The following AMZ1 variants were observed in gnomAD, a reference collection of about 807,000 sequenced individuals.
AMZ1 encodes the protein archaemetzincin-1.
AMZ1 carries 39 observed loss-of-function variants against 29.9 expected under a neutral mutation model. The ratio of observed to expected loss-of-function variants is 1.30; its 90% CI spans 1.01 to 1.70. AMZ1 has a LOEUF of 1.70. AMZ1 is among the 40% of genes most tolerant of loss of function. AMZ1 has a pLI of 0.00. For synonymous variants in AMZ1, 458 were observed against 304.0 expected, an observed-to-expected ratio of 1.51 and a Z score of -5.27; for missense variants, 1,041 against 680.6, an observed-to-expected ratio of 1.53 and a Z score of -5.89.
chr7:2,746,357 G>A (rs887678282), intron 4 of AMZ1, among the ~76,000 whole-genome samples: 11 of 152,072 alleles, frequency 7.2e-5, no homozygotes, highest in African/African-American at 2.7e-4. Flanking sequence ...CTAGAACTCA[G>A]GATTAAGAAA....
chr7:2,711,434 G>A (rs1464733382), intron 6 of AMZ1, among the ~76,000 whole-genome samples: 1 of 152,262 alleles, frequency 6.6e-6, no homozygotes, highest in East Asian at 1.9e-4. Context: ...CCAATGTGAT[G>A]TCAGTGAGTG....
At chr7:2,733,645 T>G (rs1324483937) in intron 4 of AMZ1, 1 of 657,980 alleles carries the variant, frequency 1.5e-6, no homozygotes, top group Non-Finnish European at 2.8e-6. Flanking sequence ...AGAGTGTCCG[T>G]GTGTTTTCTA....
At chr7:2,750,712 G>C (rs566215402) in intron 4 of AMZ1, among the ~76,000 whole-genome samples, 1 of 152,178 alleles carries the variant, frequency 6.6e-6, no homozygotes, top group Non-Finnish European at 1.5e-5. Context: ...TATTGGACAG[G>C]CATGTTAACA....
At chr7:2,726,418 G>A (rs565913437) in intron 4 of AMZ1, among the ~76,000 whole-genome samples, 27 of 152,316 alleles carry the variant, frequency 1.8e-4, no homozygotes, top group African/African-American at 6.3e-4. Context: ...CCTGGGACAT[G>A]GAGAAACCTG....
intron 4 of AMZ1, among the ~76,000 whole-genome samples, chr7:2,756,907 C>G (rs1014349961): frequency 5.3e-5 from 8 of 151,774 alleles, no homozygotes; most frequent in African/African-American, 1.9e-4. Context: ...GACCTCATCT[C>G]TATTAAAAAT....
intron 4 of AMZ1, among the ~76,000 whole-genome samples, chr7:2,742,284 G>A (rs2115331851): frequency 6.6e-6 from 1 of 152,248 alleles, no homozygotes; most frequent in Admixed American, 6.5e-5. Flanking sequence ...CCAAAGTGCT[G>A]GGATTACAGG....
intron 4 of AMZ1, among the ~76,000 whole-genome samples, chr7:2,753,903 G>A (rs1305969852): frequency 1.3e-5 from 2 of 152,068 alleles, no homozygotes; most frequent in African/African-American, 4.8e-5. Context: ...TCTCAATGTG[G>A]CAGGGAGAGC....
chr7:2,712,219 C>A, intron 6 of AMZ1, 111 bp from the exon 7 acceptor site: 1 of 1,197,356 alleles, frequency 8.4e-7, no homozygotes, highest in South Asian at 1.7e-5. Context: ...ACTCCCGCCC[C>A]TGGGTAACTG....
chr7:2,708,339 C>A (rs112979430), intron 3 of AMZ1, among the ~76,000 whole-genome samples: 1 of 152,134 alleles, frequency 6.6e-6, no homozygotes, highest in Non-Finnish European at 1.5e-5. Context: ...GCTGCCTCTC[C>A]AGCGTCCCCA....
chr7:2,712,788 C>T lies in AMZ1; in HGVS notation c.1407C>T (p.Asp469=). The T allele has an allele frequency of 6.4e-7, 1 of 1,568,962 alleles. No homozygotes were observed. The highest frequency in any genetic ancestry group is 8.7e-7 in the Non-Finnish European group (1 of 1,155,302). The change falls in exon 7 of 7, where the codon GAC becomes GAT. Residue 469 remains aspartate, a synonymous_variant. Coordinates refer to ENST00000683327, the MANE Select transcript of AMZ1 (RefSeq NM_001384743.1). ...TGGGGCTGCGCAAGGTGCTGGGGGA[C>T]AAGTTCTCCTCCCTGAGGAGGAAGC... is the stretch of plus-strand genomic sequence containing the variant. ...DSVGLRKVLG[D]KFSSLRRKLS...
chr7:2,707,391 C>A (rs1333545593), intron 3 of AMZ1, among the ~76,000 whole-genome samples: 1 of 152,148 alleles, frequency 6.6e-6, no homozygotes. Flanking sequence ...GTGCCGCAAC[C>A]CCTCTTCTCT....
rs970028775 is a variant in AMZ1, at chr7:2,719,537, G to A, written c.*6659G>A. On this transcript the variant is annotated 3_prime_UTR_variant, in exon 7 of 7. Transcript: ENST00000683327. ...TGGCACAGTTATTTTTAAAAATCCA[G>A]TCCAAGTGGAAATACACCTGGAACA... Among the ~76,000 whole-genome samples, 17 of 152,184 alleles carry A rather than the reference G, an allele frequency of 1.1e-4. No homozygotes were observed. The highest frequency in any genetic ancestry group is 4.1e-4 in the African/African-American group (17 of 41,440).
intron 4 of AMZ1, among the ~76,000 whole-genome samples, chr7:2,725,027 C>T (rs1789563103): frequency 6.6e-6 from 1 of 152,184 alleles, no homozygotes; most frequent in Non-Finnish European, 1.5e-5. Flanking sequence ...CGCACACAAA[C>T]ACTAACTTGC....
Position 2,712,467 on chromosome 7 carries a change from C to T in AMZ1, c.1086C>T (p.Thr362=), listed in dbSNP as rs756880449. ...GTGAGAGTGACTCGGAGCCCGGCAC[C>T]AGTGTGTCGGAGCCCCTCACCCCTG... The part of the protein sequence containing the change: ...MCCESDSEPG[T]SVSEPLTPDA... The change falls in exon 7 of 7, where the codon ACC becomes ACT. Residue 362 remains threonine, a synonymous_variant. Coordinates refer to ENST00000683327, the MANE Select transcript of AMZ1 (RefSeq NM_001384743.1). 1.1e-5 allele frequency: 17 copies of T among 1,610,926 alleles called. No individual in the cohort carries two copies. Among genetic ancestry groups the T allele is most frequent in the Admixed American group, 1.7e-5 (1 of 59,916 alleles).
intron 4 of AMZ1, among the ~76,000 whole-genome samples, chr7:2,757,201 T>C (rs1033912064): frequency 3.1e-4 from 43 of 139,350 alleles, no homozygotes; most frequent in Admixed American, 2.6e-3. Flanking sequence ...AGTGGCACGA[T>C]CTTGGCTCAC....
At chr7:2,758,706 G>A (rs1164519214) in intron 4 of AMZ1, among the ~76,000 whole-genome samples, 3 of 152,188 alleles carry the variant, frequency 2.0e-5, no homozygotes, top group African/African-American at 4.8e-5. Context: ...GTGTAGCAGC[G>A]TGCCCCTAAC....
At chr7:2,750,563 T>A (rs1039157384) in intron 4 of AMZ1, among the ~76,000 whole-genome samples, 5 of 152,216 alleles carry the variant, frequency 3.3e-5, no homozygotes, top group African/African-American at 1.2e-4. Flanking sequence ...AACAGAACAA[T>A]TGTAACAACA....
At chr7:2,685,531 CT>C, upstream of AMZ1, among the ~76,000 whole-genome samples, 1 of 148,570 alleles carries the variant, frequency 6.7e-6, no homozygotes, top group South Asian at 2.2e-4. Flanking sequence ...TGTACTCCAG[CT>C]CTGGGCAACA....
chr7:2,748,849 A>T (rs1307061736), intron 4 of AMZ1, among the ~76,000 whole-genome samples: 1 of 152,236 alleles, frequency 6.6e-6, no homozygotes, highest in Non-Finnish European at 1.5e-5. Flanking sequence ...AAGTGGGCAA[A>T]GGACATGAAC....
Sources: gnomAD v4.1 joint callset for allele counts (sites outside exome capture counted in the v4.1 genomes callset) on GRCh38, gnomAD v4.1.1 for gene constraint, MANE v1.5 for transcripts, NCBI Gene and HGNC (gene_info 2026-07-23, HGNC 2026-07-21) for gene names.